PLXND1: variants seen among roughly 807,000 people sequenced by gnomAD.
PLXND1 encodes the protein plexin D1.
Under a neutral mutation model 197.7 loss-of-function variants are expected in PLXND1, and 54 were observed. The observed-to-expected ratio is 0.27, with a 90% CI of 0.22 to 0.34. The LOEUF (loss-of-function observed/expected upper bound fraction) is 0.34. Ranked by LOEUF, PLXND1 falls within the 10% of genes least tolerant of loss-of-function variation. PLXND1 has a pLI of 1.00. For missense variants in PLXND1, 2,127 were observed against 2,699.2 expected (o/e 0.79, Z 4.70); for synonymous variants, 1,180 against 1,161.2 (o/e 1.02, Z -0.33).
intron 23 of PLXND1, chr3:129,566,296 G>C (rs2085139450): frequency 3.3e-6 from 2 of 601,138 alleles, no homozygotes; most frequent in African/African-American, 3.7e-5. Flanking sequence ...GGGTGTACAG[G>C]GGGGCCCAAT....
intron 13 of PLXND1, among the ~76,000 whole-genome samples, chr3:129,573,182 C>T (rs990483181): frequency 2.6e-5 from 4 of 152,114 alleles, no homozygotes; most frequent in Non-Finnish European, 5.9e-5. Flanking sequence ...GCCTGATGCA[C>T]GGCCTCCCAA....
chr3:129,592,629 C>T (rs966973433), intron 1 of PLXND1, among the ~76,000 whole-genome samples: 16 of 152,254 alleles, frequency 1.1e-4, no homozygotes, highest in Middle Eastern at 3.4e-3. Flanking sequence ...TCCCCCACCC[C>T]GCGCTGACTT....
At position 129,571,791 on chromosome 3, in the gene PLXND1, G is replaced by A. The variant is rs867989433; in HGVS notation, c.3131C>T (p.Pro1044Leu). The A allele has an allele frequency of 1.4e-5, 22 of 1,613,092 alleles. No homozygotes were observed. Among genetic ancestry groups the A allele is most frequent in the South Asian group, 5.5e-5 (5 of 91,066 alleles). ...CTMPEGALPA[P>L]VPVCVRFERR... is the part of the protein sequence containing the mutation. The stretch of plus-strand genomic sequence containing the variant: ...CTCGAAGCGCACACACACAGGCACC[G>A]GAGCCGGCAGGGCCCCCTCAGGCAT... Residue 1044 changes from proline to leucine, a missense_variant, in exon 16 of 36, where the codon CCG (proline) becomes CTG (leucine). Pro to Leu is a moderately conservative substitution (Grantham distance 98, BLOSUM62 -3). Around this residue, in one of 6 missense-constraint regions of PLXND1, gnomAD observed 1,095 missense variants for 1,259.8 expected, o/e 0.87. Coordinates refer to ENST00000324093, the MANE Select transcript of PLXND1 (RefSeq NM_015103.3).
At chr3:129,590,774 G>A (rs748101872) in intron 1 of PLXND1, among the ~76,000 whole-genome samples, 3 of 152,184 alleles carry the variant, frequency 2.0e-5, no homozygotes, top group Non-Finnish European at 4.4e-5. Flanking sequence ...GGAAACTGAG[G>A]CTCAGAGGGG....
intron 34 of PLXND1, 85 bp from the exon 35 acceptor site, chr3:129,556,776 T>C (rs6801699): frequency 0.16 from 150,382 of 939,518 alleles, 13,823 homozygotes; most frequent in African/African-American, 0.3. Context: ...TTGCACACAA[T>C]CCCCAACTCC....
At chr3:129,589,726 G>C (rs1023356438) in intron 1 of PLXND1, among the ~76,000 whole-genome samples, 199 bp from the exon 2 acceptor site, 3 of 152,198 alleles carry the variant, frequency 2.0e-5, no homozygotes, top group African/African-American at 7.2e-5. Context: ...CTCAGTGTTG[G>C]TTACAGAGCT....
chr3:129,582,575 CCCTGGCACATCCCA>C lies in PLXND1; in HGVS notation c.2241+978_2241+991del, dbSNP rs530012209. ...GAGGGGACGAGCTGTGATCTCAGGACCCTGGCACATCCCACCTGGCTAGGCCTTATCACCCCAGC... is the reference window on the plus strand; with the variant it reads ...GAGGGGACGAGCTGTGATCTCAGGACCCTGGCTAGGCCTTATCACCCCAGC... On this transcript the variant is annotated intron_variant, in intron 8 of 35. Coordinates refer to ENST00000324093, the MANE Select transcript of PLXND1 (RefSeq NM_015103.3). Among the ~76,000 whole-genome samples, 274 of 152,270 alleles carry C rather than the reference CCCTGGCACATCCCA, an allele frequency of 1.8e-3. 1 individual carries two copies. Among genetic ancestry groups the C allele is most frequent in the African/African-American group, 6.2e-3 (259 of 41,548 alleles).
In PLXND1 at chr3:129,584,517, TGC is replaced by T; in HGVS notation, c.1895_1896del (p.Gly632AspfsTer6). ...QISGSLPSLS[G>X]MEMACDYGNN... ...TTCCCATAGTCACAGGCCATCTCCA[TGC>T]CACTGAGGCTGGGCAGGCTGCCCGA... On this transcript the variant is annotated frameshift_variant, in exon 6 of 36. Coordinates refer to ENST00000324093, the MANE Select transcript of PLXND1 (RefSeq NM_015103.3). LOFTEE classifies it high-confidence loss of function. 6.2e-7 allele frequency: 1 copy of T among 1,613,676 alleles called. No individual in the cohort carries two copies.
rs1215951455 is a variant in PLXND1 at position 129,570,875 on chromosome 3, T to G, written c.3661A>C (p.Ser1221Arg). Residue 1221 changes from serine (S) to arginine (R), a missense_variant, in exon 19 of 36, where the codon AGC becomes CGC. Transcript: ENST00000324093. ...HEYRVKIGQV[S>R]CDIQIVSDRI... Reference sequence around the variant, plus strand: ...TCAGAGACAATCTGGATGTCGCAGCTTACTTGGCCTATCTTGACCCGGTAC... The same window carrying G: ...TCAGAGACAATCTGGATGTCGCAGCGTACTTGGCCTATCTTGACCCGGTAC... 6.2e-7 allele frequency: 1 copy of G among 1,614,174 alleles called. No individual in the cohort carries two copies. Among genetic ancestry groups the G allele is most frequent in the Non-Finnish European group, 8.5e-7 (1 of 1,180,006 alleles).
At chr3:129,583,822 G>T (rs2085419526) in intron 7 of PLXND1, among the ~76,000 whole-genome samples, 153 bp from the exon 8 acceptor site, 1 of 152,248 alleles carries the variant, frequency 6.6e-6, no homozygotes, top group Admixed American at 6.5e-5. Context: ...TTAAGGTAGT[G>T]AGCTGCCTGC....
chr3:129,585,121 G>A (rs1378701653), intron 5 of PLXND1, among the ~76,000 whole-genome samples: 1 of 152,244 alleles, frequency 6.6e-6, no homozygotes, highest in Non-Finnish European at 1.5e-5. Context: ...GTCCAGAACT[G>A]TGCTTGGCAC....
At chr3:129,567,671 C>T in intron 21 of PLXND1, 27 bp downstream of exon 21, 4 of 1,580,150 alleles carry the variant, frequency 2.5e-6, no homozygotes, top group Non-Finnish European at 3.5e-6. Flanking sequence ...AGTTGAGGCC[C>T]AGCCCTGCAG....
At position 129,584,535 on chromosome 3, in the gene PLXND1, G is replaced by C. The variant is rs754732315; in HGVS notation, c.1879C>G (p.Leu627Val). 2 of 1,611,498 alleles carry C rather than the reference G, an allele frequency of 1.2e-6. No individual in the cohort carries two copies. Among genetic ancestry groups the C allele is most frequent in the East Asian group, 4.5e-5 (2 of 44,864 alleles). Reference protein sequence around the residue: ...PGMILQISGSLPSLSGMEMAC... With the variant: ...PGMILQISGSVPSLSGMEMAC... ...ATCTCCATGCCACTGAGGCTGGGCA[G>C]GCTGCCCGAGATCTGCAGGATCATG... is the stretch of plus-strand genomic sequence containing the variant. Residue 627 changes from leucine to valine, a missense_variant, in exon 6 of 36, where the codon CTG (leucine) becomes GTG (valine). Coordinates refer to ENST00000324093, the MANE Select transcript of PLXND1 (RefSeq NM_015103.3).
chr3:129,556,516 G>T (rs550487534), intron 35 of PLXND1, 88 bp from the exon 36 acceptor site: 2 of 1,335,506 alleles, frequency 1.5e-6, no homozygotes, highest in Non-Finnish European at 2.2e-6. Flanking sequence ...CGTCTACCAC[G>T]AGTGACATCC....
chr3:129,589,310 T>TGCCACCCCCCCCCCC, intron 2 of PLXND1, 41 bp downstream of exon 2: 1 of 501,294 alleles, frequency 2.0e-6, no homozygotes, highest in Non-Finnish European at 3.8e-6. Context: ...CAGGGGAGCC[T>TGCCACCCCCCCCCCC]CCCACCCCCA....
At chr3:129,589,308 C>CGGGGCGGG in intron 2 of PLXND1, 43 bp downstream of exon 2, 1 of 628,606 alleles carries the variant, frequency 1.6e-6, no homozygotes, top group Non-Finnish European at 2.9e-6. Flanking sequence ...CCCAGGGGAG[C>CGGGGCGGG]CTCCCACCCC....
chr3:129,563,539 C>T (rs2085093642), intron 25 of PLXND1, among the ~76,000 whole-genome samples: 1 of 152,244 alleles, frequency 6.6e-6, no homozygotes, highest in Non-Finnish European at 1.5e-5. Flanking sequence ...GTGACCTGCC[C>T]AAGATCACCC....
chr3:129,586,763 G>A (rs1164927496), intron 2 of PLXND1, 44 bp from the exon 3 acceptor site: 1 of 1,584,394 alleles, frequency 6.3e-7, no homozygotes, highest in Admixed American at 1.8e-5. Flanking sequence ...CCATAGCAGG[G>A]GAGGCCAAAC....
intron 1 of PLXND1, among the ~76,000 whole-genome samples, chr3:129,590,796 C>T (rs1158872243): frequency 6.6e-6 from 1 of 152,218 alleles, no homozygotes; most frequent in African/African-American, 2.4e-5. Context: ...AAATGGCTAA[C>T]TACAATGTCA....
Sources: allele counts gnomAD v4.1 joint callset (sites outside exome capture counted in the v4.1 genomes callset), GRCh38; gene constraint gnomAD v4.1.1; regional missense constraint gnomAD v4.1.1; transcripts MANE v1.5; gene names NCBI Gene and HGNC (gene_info 2026-07-23, HGNC 2026-07-21).